CBX3: variants seen among roughly 807,000 people sequenced by gnomAD.
CBX3 encodes the protein chromobox protein homolog 3.
In CBX3, 5 loss-of-function variants were observed where a neutral mutation model predicts 22.6. The ratio of observed to expected loss-of-function variants is 0.22; its 90% CI spans 0.12 to 0.47. The LOEUF is 0.47. CBX3 is among the 20% of genes least tolerant of loss of function. The probability of loss-of-function intolerance (pLI) is 0.99; values close to 1 mark genes in which losing one functional copy is unlikely to be tolerated. For missense variants in CBX3, 83 were observed against 208.1 expected (o/e 0.40, Z 3.70); for synonymous variants, 50 against 66.6 (o/e 0.75, Z 1.21).
At position 26,208,277 on chromosome 7, in the gene CBX3, TC is replaced by T. The variant is rs892797599; in HGVS notation, c.168-115del. On this transcript the variant is annotated intron_variant, in intron 3 of 5. Coordinates refer to ENST00000396386, the MANE Select transcript of CBX3 (RefSeq NM_016587.4). ...GTAGGGAAGGAGGAAATGATTAGTA[TC>T]TGCAGTACAGAGGACTTTTTATTCC... 12 of 689,828 alleles carry T rather than the reference TC, an allele frequency of 1.7e-5. No homozygotes were observed. The African/African-American group carries it at 2.0e-4, about 11-fold the overall frequency. The allele number at this position is 689,828 out of a possible 1,614,324, so 42.7% of individuals were successfully genotyped here. A position where few individuals can be genotyped will look rare whatever the true frequency, so the allele number is the denominator to read the frequency against.
intron 2 of CBX3, chr7:26,206,155 G>C: frequency 2.1e-6 from 1 of 465,612 alleles, no homozygotes; most frequent in South Asian, 3.2e-5. Context: ...TATTATTTTG[G>C]TGGTGGGTTG....
intron 2 of CBX3, among the ~76,000 whole-genome samples, chr7:26,204,415 T>G (rs1468750149): frequency 6.6e-6 from 1 of 152,196 alleles, no homozygotes; most frequent in Non-Finnish European, 1.5e-5. Flanking sequence ...CCTACCTTCT[T>G]GTACTGTACA....
chr7:26,211,872 G>T, intron 5 of CBX3, 116 bp downstream of exon 5: 2 of 902,150 alleles, frequency 2.2e-6, no homozygotes, highest in South Asian at 1.9e-5. Context: ...GATGATTCTG[G>T]TTACTTTTAC....
intron 2 of CBX3, among the ~76,000 whole-genome samples, chr7:26,204,268 A>T (rs1462808077): frequency 6.7e-6 from 1 of 149,318 alleles, no homozygotes; most frequent in African/African-American, 2.5e-5. Context: ...TATCCTTTTC[A>T]TTTTCTGTAT....
chr7:26,208,104 G>C (rs923649371), intron 3 of CBX3: 2 of 217,100 alleles, frequency 9.2e-6, no homozygotes, highest in African/African-American at 4.5e-5. Flanking sequence ...GTGCATGCCT[G>C]TAGTCCCAGC....
At chr7:26,205,024 G>C (rs183586982) in intron 2 of CBX3, among the ~76,000 whole-genome samples, 5 of 152,190 alleles carry the variant, frequency 3.3e-5, no homozygotes, top group Admixed American at 3.3e-4. Context: ...CCTGACCTCA[G>C]ATGATCTGCC....
In CBX3 at chr7:26,206,517, A is replaced by T; in HGVS notation, c.167+7A>T. ...AGTGGAAGGGATTTACAGAGTAAGAAACTTTAGTGCATCTTTACTATATGT... is the reference window on the plus strand; with the variant it reads ...AGTGGAAGGGATTTACAGAGTAAGATACTTTAGTGCATCTTTACTATATGT... On this transcript the variant is annotated splice_region_variant and intron_variant, in intron 3 of 5. Transcript: ENST00000396386. The T allele has an allele frequency of 6.6e-7, 1 of 1,504,398 alleles. No homozygotes were observed. Among genetic ancestry groups the T allele is most frequent in the Non-Finnish European group, 9.0e-7 (1 of 1,108,038 alleles). The allele number at this position is 1,504,398 out of a possible 1,614,324, so 93.2% of individuals were successfully genotyped here. A position where few individuals can be genotyped will look rare whatever the true frequency, so the allele number is the denominator to read the frequency against.
chr7:26,211,756 G>A lies in CBX3; in HGVS notation c.425G>A (p.Trp142Ter). The change falls in exon 5 of 6, where the codon TGG becomes TAG. Residue 142 changes from tryptophan to a stop codon, truncating the protein, a stop_gained and splice_region_variant. Coordinates refer to ENST00000396386, the MANE Select transcript of CBX3 (RefSeq NM_016587.4). LOFTEE classifies it high-confidence loss of function. ...GGAGAATTGATGTTTCTCATGAAAT[G>A]GTGAGTATGCAGAGATTGTTACATT... ...SSGELMFLMK[W>*]KDSDEADLVL... is the part of the protein sequence containing the mutation. The A allele has an allele frequency of 6.3e-7, 1 of 1,593,656 alleles. No homozygotes were observed. The highest frequency in any genetic ancestry group is 8.6e-7 in the Non-Finnish European group (1 of 1,166,090).
At chr7:26,211,423 G>A (rs1199864299) in intron 4 of CBX3, among the ~76,000 whole-genome samples, 1 of 152,096 alleles carries the variant, frequency 6.6e-6, no homozygotes, top group African/African-American at 2.4e-5. Context: ...ATTGAACGCA[G>A]TAATTTTCTT....
chr7:26,208,182 A>C (rs1204354216), intron 3 of CBX3: 1 of 383,704 alleles, frequency 2.6e-6, no homozygotes, highest in African/African-American at 2.0e-5. Context: ...TGATTCCACT[A>C]CTGCACTCTC....
chr7:26,211,480 G>T (rs773094110), intron 4 of CBX3, among the ~76,000 whole-genome samples, 182 bp from the exon 5 acceptor site: 4 of 152,072 alleles, frequency 2.6e-5, no homozygotes, highest in Admixed American at 6.6e-5. Context: ...ATTCTACGTT[G>T]AGTATCAAAC....
rs1340357875 is a variant in CBX3 at position 26,201,990 on chromosome 7, TGGCCTG to T, written c.-29+166_-29+171del. On this transcript the variant is annotated intron_variant, in intron 1 of 5. Coordinates refer to ENST00000396386, the MANE Select transcript of CBX3 (RefSeq NM_016587.4). ...GAGGGTCGGGCGGTGGCCTCGCGGC[TGGCCTG>T]GCGCGCGGCCAGCGCCGGTAGTTAG... The T allele has an allele frequency of 1.0e-4, 15 of 150,742 alleles. No individual in the cohort carries two copies. In the East Asian group the frequency reaches 1.6e-3, roughly 16 times the overall value. The allele number at this position is 150,742 out of a possible 1,614,324, so 9.3% of individuals were successfully genotyped here. A position where few individuals can be genotyped will look rare whatever the true frequency, so the allele number is the denominator to read the frequency against.
chr7:26,209,466 T>C (rs1234500542), intron 4 of CBX3, among the ~76,000 whole-genome samples: 1 of 152,190 alleles, frequency 6.6e-6, no homozygotes, highest in Non-Finnish European at 1.5e-5. Context: ...AAGATTGGAT[T>C]ATCGAAAGCC....
At chr7:26,208,625 T>G in intron 4 of CBX3, 70 bp downstream of exon 4, 3 of 1,451,432 alleles carry the variant, frequency 2.1e-6, no homozygotes, top group Non-Finnish European at 2.8e-6. Flanking sequence ...CTTTTTTGTT[T>G]GTTTGTTTTT....
At chr7:26,211,887 A>C in intron 5 of CBX3, 131 bp downstream of exon 5, 1 of 842,856 alleles carries the variant, frequency 1.2e-6, no homozygotes, top group Non-Finnish European at 1.8e-6. Flanking sequence ...TTTTACTAGT[A>C]GTGTTTTAAA....
At chr7:26,203,539 G>A (rs1457666401) in intron 2 of CBX3, among the ~76,000 whole-genome samples, 1 of 152,068 alleles carries the variant, frequency 6.6e-6, no homozygotes, top group Non-Finnish European at 1.5e-5. Context: ...TTAATTCATT[G>A]CAGTGTTTTG....
rs1784725607 is a variant in CBX3, at chr7:26,208,272, T to G, written c.168-121T>G. On this transcript the variant is annotated intron_variant, in intron 3 of 5. Coordinates refer to ENST00000396386, the MANE Select transcript of CBX3 (RefSeq NM_016587.4). ...GTAATGTAGGGAAGGAGGAAATGATTAGTATCTGCAGTACAGAGGACTTTT... is the reference window on the plus strand; with the variant it reads ...GTAATGTAGGGAAGGAGGAAATGATGAGTATCTGCAGTACAGAGGACTTTT... 9.1e-6 allele frequency: 6 copies of G among 660,214 alleles called. No individual in the cohort carries two copies. In the Admixed American group the frequency reaches 1.5e-4, roughly 17 times the overall value. The allele number at this position is 660,214 out of a possible 1,614,324, so 40.9% of individuals were successfully genotyped here.
chr7:26,203,898 A>G (rs1057510787), intron 2 of CBX3, among the ~76,000 whole-genome samples: 9 of 152,186 alleles, frequency 5.9e-5, no homozygotes, highest in Non-Finnish European at 1.3e-4. Context: ...TAGATTCTGC[A>G]TTAGATTCTG....
chr7:26,202,240 C>G (rs905485434), intron 1 of CBX3: 2 of 152,062 alleles, frequency 1.3e-5, no homozygotes, highest in African/African-American at 2.4e-5. Context: ...CCGGCTGTCC[C>G]GAGGCTGCGG....
Sources: allele counts gnomAD v4.1 joint callset (sites outside exome capture counted in the v4.1 genomes callset), GRCh38; gene constraint gnomAD v4.1.1; transcripts MANE v1.5; gene names NCBI Gene and HGNC (gene_info 2026-07-23, HGNC 2026-07-21).